Variants in STPG2 observed in about 807,000 individuals in gnomAD.
STPG2 encodes sperm-tail PG-rich repeat-containing protein 2.
STPG2 carries 56 observed loss-of-function variants against 54.2 expected under a neutral mutation model. The observed-to-expected ratio is 1.03, with a 90% CI of 0.83 to 1.29. The LOEUF (loss-of-function observed/expected upper bound fraction) is 1.29. Among genes scored for constraint, STPG2 ranks in the 50% most tolerant of loss-of-function variants. The probability of loss-of-function intolerance (pLI) is 0.00; values close to 1 mark genes in which losing one functional copy is unlikely to be tolerated. For missense variants in STPG2, 596 were observed against 544.9 expected (o/e 1.09, Z -0.93); for synonymous variants, 200 against 181.8 (o/e 1.10, Z -0.81).
Position 98,125,839 on chromosome 4 carries a change from G to C in STPG2, c.387+2589C>G, listed in dbSNP as rs1268695721. 3.3e-5 allele frequency among the ~76,000 whole-genome samples: 5 copies of C among 152,226 alleles called. No homozygotes were observed. In the East Asian group the frequency reaches 9.6e-4, roughly 29 times the overall value. On this transcript the variant is annotated intron_variant, in intron 3 of 10. Coordinates refer to ENST00000295268, the MANE Select transcript of STPG2 (RefSeq NM_174952.3). ...CAGGGGCTCTGTCCCAGGGAGATCA[G>C]AGTCCTGTCCATAAACCCCTGGCTG...
At chr4:98,007,041 C>T (rs1735598676) in intron 5 of STPG2, among the ~76,000 whole-genome samples, 1 of 152,184 alleles carries the variant, frequency 6.6e-6, no homozygotes, top group African/African-American at 2.4e-5. Flanking sequence ...TATGGATTTG[C>T]CTGGTCCAGC....
At chr4:97,632,748 A>T (rs1275986260) in intron 10 of STPG2, among the ~76,000 whole-genome samples, 3 of 152,188 alleles carry the variant, frequency 2.0e-5, no homozygotes, top group Non-Finnish European at 4.4e-5. Context: ...GACCAAGACC[A>T]GGAAGGGAAG....
At chr4:97,863,343 C>G (rs906309019) in intron 8 of STPG2, among the ~76,000 whole-genome samples, 4 of 152,136 alleles carry the variant, frequency 2.6e-5, no homozygotes, top group Non-Finnish European at 4.4e-5. Flanking sequence ...GCTAGAAAAT[C>G]TAGAAGAAAT....
intron 10 of STPG2, among the ~76,000 whole-genome samples, chr4:97,576,530 G>C (rs975105388): frequency 1.3e-5 from 2 of 152,044 alleles, no homozygotes; most frequent in Non-Finnish European, 2.9e-5. Flanking sequence ...ATGGTGCTAG[G>C]ATAACTTGCT....
chr4:97,834,030 A>G (rs996673507), intron 9 of STPG2, among the ~76,000 whole-genome samples: 9 of 152,178 alleles, frequency 5.9e-5, no homozygotes, highest in Admixed American at 6.5e-5. Flanking sequence ...AGGATTATAA[A>G]TCATTCTACT....
chr4:97,958,078 G>C (rs558262814), intron 7 of STPG2, among the ~76,000 whole-genome samples: 1 of 152,230 alleles, frequency 6.6e-6, no homozygotes, highest in African/African-American at 2.4e-5. Context: ...GGAGGCAGAG[G>C]GGGGACAGAT....
At chr4:97,532,449 G>T (rs115433234) in intron 4 of STPG2, among the ~76,000 whole-genome samples, 1,900 of 152,008 alleles carry the variant, frequency 0.012, 38 homozygotes, top group African/African-American at 0.044. Context: ...AAAAAAATCA[G>T]AAAAGTTTTC....
intron 5 of STPG2, among the ~76,000 whole-genome samples, chr4:98,020,887 C>A (rs539727825): frequency 2.6e-5 from 4 of 151,796 alleles, no homozygotes. Context: ...TTTTTTATTG[C>A]GTCTATTTGA....
intron 8 of STPG2, among the ~76,000 whole-genome samples, chr4:97,844,033 C>A (rs1728875288): frequency 6.6e-6 from 1 of 151,598 alleles, no homozygotes; most frequent in Non-Finnish European, 1.5e-5. Context: ...AGGTATGAAA[C>A]CTCCTGATTT....
At chr4:97,616,067 T>TAA (rs1733861970) in intron 10 of STPG2, among the ~76,000 whole-genome samples, 5 of 72,446 alleles carry the variant, frequency 6.9e-5, no homozygotes, top group Non-Finnish European at 1.1e-4. Flanking sequence ...AATATATATA[T>TAA]ATATATATAT....
chr4:97,813,636 G>A (rs1341424161), intron 9 of STPG2, among the ~76,000 whole-genome samples: 1 of 115,940 alleles, frequency 8.6e-6, no homozygotes, highest in Non-Finnish European at 1.6e-5. Flanking sequence ...GAGCCCAGGA[G>A]TTCAAGTCCA....
At chr4:97,590,786 T>C (rs1425880786) in intron 10 of STPG2, among the ~76,000 whole-genome samples, 2 of 152,056 alleles carry the variant, frequency 1.3e-5, no homozygotes, top group Non-Finnish European at 2.9e-5. Context: ...GCCTATATAT[T>C]GCACAAATAA....
At chr4:97,934,476 A>G (rs115476671) in intron 8 of STPG2, among the ~76,000 whole-genome samples, 3,791 of 152,302 alleles carry the variant, frequency 0.025, 75 homozygotes, top group Middle Eastern at 0.037. Context: ...TTTCCCACTC[A>G]GTATGATATT....
intron 9 of STPG2, among the ~76,000 whole-genome samples, chr4:97,735,030 G>T (rs146502630): frequency 1.3e-5 from 2 of 149,338 alleles, no homozygotes; most frequent in African/African-American, 5.0e-5. Context: ...TTGAGATGGC[G>T]TCACTGCACT....
chr4:98,085,999 T>TA (rs1445218077), intron 5 of STPG2, among the ~76,000 whole-genome samples: 1 of 152,018 alleles, frequency 6.6e-6, no homozygotes, highest in Non-Finnish European at 1.5e-5. Flanking sequence ...GATGAGCACA[T>TA]AAAAAAATTT....
chr4:97,644,992 C>T (rs187000757), intron 10 of STPG2, among the ~76,000 whole-genome samples: 1 of 152,106 alleles, frequency 6.6e-6, no homozygotes, highest in East Asian at 1.9e-4. Context: ...AATTGCATGG[C>T]TCAGCAGTAC....
chr4:98,093,273 A>G (rs1738745533), intron 5 of STPG2, among the ~76,000 whole-genome samples: 1 of 152,224 alleles, frequency 6.6e-6, no homozygotes, highest in Admixed American at 6.5e-5. Context: ...AAAAGTTAAT[A>G]TTTGTGTTTT....
At chr4:98,007,213 G>A (rs1735603449) in intron 5 of STPG2, among the ~76,000 whole-genome samples, 2 of 152,132 alleles carry the variant, frequency 1.3e-5, no homozygotes, top group South Asian at 2.1e-4. Context: ...ACCTGCAAGT[G>A]TGACCTACTG....
chr4:97,835,380 G>T (rs935106876), intron 9 of STPG2, among the ~76,000 whole-genome samples: 1 of 152,088 alleles, frequency 6.6e-6, no homozygotes, highest in Non-Finnish European at 1.5e-5. Context: ...ATATAATCAA[G>T]AAATAACTGT....
Sources: allele counts gnomAD v4.1 joint callset (sites outside exome capture counted in the v4.1 genomes callset), GRCh38; gene constraint gnomAD v4.1.1; transcripts MANE v1.5; gene names NCBI Gene and HGNC (gene_info 2026-07-23, HGNC 2026-07-21).